Variants in NRXN1 observed in about 807,000 individuals in gnomAD.
NRXN1 encodes the protein neurexin-1.
NRXN1 carries 39 observed loss-of-function variants against 150.9 expected under a neutral mutation model. The ratio of observed to expected loss-of-function variants is 0.26; its 90% confidence interval spans 0.20 to 0.34. NRXN1 has a LOEUF of 0.34. Among genes scored for constraint, NRXN1 ranks in the 10% least tolerant of loss-of-function variants. The probability of loss-of-function intolerance (pLI) is 1.00; values close to 1 mark genes in which losing one functional copy is unlikely to be tolerated. For missense variants in NRXN1, 1,815 were observed against 1,949.9 expected, an observed-to-expected ratio of 0.93 and a Z score of 1.30; for synonymous variants, 924 against 757.0, an observed-to-expected ratio of 1.22 and a Z score of -3.62.
intron 18 of NRXN1, among the ~76,000 whole-genome samples, chr2:50,181,522 C>T (rs2060713438): frequency 6.6e-6 from 1 of 152,068 alleles, no homozygotes; most frequent in Admixed American, 6.6e-5. Flanking sequence ...CAGTTACCTT[C>T]TCTGGGCCTC....
chr2:50,566,387 G>A (rs1350835728), intron 8 of NRXN1, among the ~76,000 whole-genome samples: 6 of 150,506 alleles, frequency 4.0e-5, no homozygotes, highest in Non-Finnish European at 7.4e-5. Flanking sequence ...GCAACTACAG[G>A]CACGTGCCAC....
chr2:50,846,987 T>C (rs1049582464), intron 5 of NRXN1, among the ~76,000 whole-genome samples: 24 of 152,206 alleles, frequency 1.6e-4, no homozygotes, highest in Non-Finnish European at 2.4e-4. Flanking sequence ...AAGTATGCTC[T>C]AGTGGTAATA....
chr2:50,239,517 C>T (rs1033695483), intron 17 of NRXN1, among the ~76,000 whole-genome samples: 1 of 148,650 alleles, frequency 6.7e-6, no homozygotes, highest in African/African-American at 2.5e-5. Context: ...AAAATCTTAT[C>T]TACTTATTAT....
chr2:50,683,646 A>AAAAAAAAAAAAAATATATAT lies in NRXN1; in HGVS notation c.833-60032_833-60031insATATATATTTTTTTTTTTTT. Among the ~76,000 whole-genome samples the AAAAAAAAAAAAAATATATAT allele has an allele frequency of 4.7e-3, 70 of 14,878 alleles. 5 individuals are homozygous for AAAAAAAAAAAAAATATATAT. The highest frequency in any genetic ancestry group is 5.8e-3 in the Non-Finnish European group (53 of 9,180). The allele number at this position is 14,878 out of a possible 152,430, so 9.8% of individuals were successfully genotyped here. A position where few individuals can be genotyped will look rare whatever the true frequency, so the allele number is the denominator to read the frequency against. On this transcript the variant is annotated intron_variant, in intron 5 of 22. Transcript: ENST00000401669. ...GACTCCGTCTCAAAAAAAAAAAAAA[A>AAAAAAAAAAAAAATATATAT]ATATATATATATATATATATGTTAT...
intron 12 of NRXN1, 26 bp downstream of exon 12, chr2:50,528,599 T>C (rs2093019721): frequency 7.5e-7 from 1 of 1,336,024 alleles, no homozygotes; most frequent in Non-Finnish European, 1.1e-6. Flanking sequence ...GGAATAACAT[T>C]TTAAAAATTT....
chr2:49,928,128 T>TA (rs1227240097), intron 22 of NRXN1, among the ~76,000 whole-genome samples: 3,947 of 145,172 alleles, frequency 0.027, 181 homozygotes, highest in African/African-American at 0.089. Context: ...TGCTAGTGGT[T>TA]AAAAAAAAAA....
At chr2:50,659,081 C>A in intron 5 of NRXN1, among the ~76,000 whole-genome samples, 1 of 152,018 alleles carries the variant, frequency 6.6e-6, no homozygotes, top group East Asian at 1.9e-4. Context: ...CAGTCCTCCA[C>A]TTTGCTCCCC....
intron 5 of NRXN1, among the ~76,000 whole-genome samples, chr2:50,646,258 T>C (rs1400367542): frequency 6.6e-6 from 1 of 151,964 alleles, no homozygotes; most frequent in Admixed American, 6.6e-5. Context: ...TATTCTGGTG[T>C]CAGATTTTCT....
In NRXN1 at chr2:50,631,043, A is replaced by C. The variant is rs567317599; in HGVS notation, c.833-7428T>G. ...ATTTACTATTATCTTATTTGCCACG[A>C]ACTGTGTAACTGAGAAATTAAAACA... On this transcript the variant is annotated intron_variant, in intron 5 of 22. Transcript: ENST00000401669. The C allele has an allele frequency of 8.7e-5, 37 of 423,804 alleles. 1 individual carries two copies. Among genetic ancestry groups the C allele is most frequent in the South Asian group, 7.0e-4 (37 of 52,584 alleles). 26.3% of individuals were successfully genotyped at this position (423,804 alleles called of 1,614,324 possible).
rs1681330481 is a variant in NRXN1 at position 50,893,052 on chromosome 2, G to C, written c.832+28817C>G. 3.3e-5 allele frequency among the ~76,000 whole-genome samples: 5 copies of C among 152,246 alleles called. No individual in the cohort carries two copies. The South Asian group carries it at 1.0e-3, about 32-fold the overall frequency. Reference sequence around the variant, plus strand: ...GCAGTCTTCACTCCAGAGCTTTCCAGAGAGGTGGCTGAGAGCCTATCAGAT... The same window carrying C: ...GCAGTCTTCACTCCAGAGCTTTCCACAGAGGTGGCTGAGAGCCTATCAGAT... On this transcript the variant is annotated intron_variant, in intron 5 of 22. Transcript: ENST00000401669.
chr2:50,785,007 T>A (rs1347212909), intron 5 of NRXN1, among the ~76,000 whole-genome samples: 1 of 152,030 alleles, frequency 6.6e-6, no homozygotes. Context: ...TTTAAAGTTG[T>A]AATTAGAGTT....
chr2:50,164,768 C>G (rs536228147), intron 18 of NRXN1, among the ~76,000 whole-genome samples: 1 of 152,260 alleles, frequency 6.6e-6, no homozygotes, highest in South Asian at 2.1e-4. Flanking sequence ...GAGAAAGAGA[C>G]AACGCATTCT....
chr2:50,907,972 A>C (rs540786818), intron 5 of NRXN1, among the ~76,000 whole-genome samples: 1 of 152,078 alleles, frequency 6.6e-6, no homozygotes, highest in Non-Finnish European at 1.5e-5. Flanking sequence ...ACTCAACAAG[A>C]CTCAGCTAAT....
At chr2:50,094,479 A>C (rs1699962185) in intron 18 of NRXN1, among the ~76,000 whole-genome samples, 1 of 152,144 alleles carries the variant, frequency 6.6e-6, no homozygotes, top group Admixed American at 6.5e-5. Context: ...AGAAAATTTG[A>C]TATGTGTCTT....
intron 17 of NRXN1, among the ~76,000 whole-genome samples, chr2:50,330,307 T>C (rs2076753401): frequency 6.6e-6 from 1 of 152,216 alleles, no homozygotes; most frequent in African/African-American, 2.4e-5. Flanking sequence ...CCAAATCTTC[T>C]ATAGCGATAA....
At chr2:50,477,748 A>G (rs13403892) in intron 15 of NRXN1, among the ~76,000 whole-genome samples, 50,682 of 151,956 alleles carry the variant, frequency 0.33, 10,195 homozygotes, top group Middle Eastern at 0.48. Flanking sequence ...GGAAATATGA[A>G]GGAAGCTCTC....
Position 50,495,121 on chromosome 2 carries a change from A to G in NRXN1, c.3070+784T>C, listed in dbSNP as rs180928029. On this transcript the variant is annotated intron_variant, in intron 15 of 22. Transcript: ENST00000401669. ...TTTCTACATTGAGAATAACAGGCTA[A>G]TAATACTTTCTGGAATGCCTGTTGT... Among the ~76,000 whole-genome samples the G allele has an allele frequency of 2.6e-5, 4 of 152,220 alleles. No individual in the cohort carries two copies. The East Asian group carries it at 7.7e-4, about 29-fold the overall frequency.
At chr2:50,717,226 A>T (rs1168849832) in intron 5 of NRXN1, among the ~76,000 whole-genome samples, 1 of 152,212 alleles carries the variant, frequency 6.6e-6, no homozygotes, top group Non-Finnish European at 1.5e-5. Flanking sequence ...GGATTAAATG[A>T]CATTTATTCC....
intron 17 of NRXN1, among the ~76,000 whole-genome samples, chr2:50,327,867 C>T (rs1047280214): frequency 5.9e-5 from 9 of 152,040 alleles, no homozygotes; most frequent in East Asian, 1.9e-4. Flanking sequence ...CCAGGCTGGT[C>T]GCGAACTCCT....
Sources: gnomAD v4.1 joint callset for allele counts (sites outside exome capture counted in the v4.1 genomes callset) on GRCh38, gnomAD v4.1.1 for gene constraint, MANE v1.5 for transcripts, NCBI Gene and HGNC (gene_info 2026-07-23, HGNC 2026-07-21) for gene names.